The following CFAP77 variants were observed in gnomAD, a reference collection of about 807,000 sequenced individuals.
CFAP77 encodes the protein cilia and flagella associated protein 77, also known as cilia- and flagella-associated protein 77.
In CFAP77, 25 loss-of-function variants were observed where a neutral mutation model predicts 31.1. The observed-to-expected ratio is 0.80, with a 90% confidence interval of 0.59 to 1.12. The LOEUF (loss-of-function observed/expected upper bound fraction) is 1.12. CFAP77 is among the 50% of genes most tolerant of loss of function. The pLI is 0.00. For missense variants in CFAP77, 377 were observed against 397.3 expected (o/e 0.95, Z 0.44); for synonymous variants, 151 against 159.9 (o/e 0.94, Z 0.42).
Position 132,572,582 on chromosome 9 carries a change from C to T in CFAP77, c.*72C>T, listed in dbSNP as rs1165198083. On this transcript the variant is annotated 3_prime_UTR_variant, in exon 6 of 6. Transcript: ENST00000393216. ...TTCCCAGAAGGACTCCCTATCTTGC[C>T]CCAACCCTGACATTCCCCCATTTTT... is the stretch of plus-strand genomic sequence containing the variant. The T allele has an allele frequency of 2.7e-6, 4 of 1,465,374 alleles. No homozygotes were observed. In the African/African-American group the frequency reaches 4.2e-5, roughly 15 times the overall value. The allele number at this position is 1,465,374 out of a possible 1,614,324, so 90.8% of individuals were successfully genotyped here. A position where few individuals can be genotyped will look rare whatever the true frequency, so the allele number is the denominator to read the frequency against.
At chr9:132,487,493 C>T (rs977156479) in intron 1 of CFAP77, among the ~76,000 whole-genome samples, 6 of 151,992 alleles carry the variant, frequency 3.9e-5, no homozygotes, top group African/African-American at 1.2e-4. Flanking sequence ...AGTAAAACCT[C>T]AATATCGAAA....
At chr9:132,422,715 G>A (rs1007145160) in intron 1 of CFAP77, among the ~76,000 whole-genome samples, 2 of 152,124 alleles carry the variant, frequency 1.3e-5, no homozygotes, top group African/African-American at 4.8e-5. Context: ...GTCAAAGCAG[G>A]GGGAATACAC....
chr9:132,531,163 G>T (rs899396398), intron 3 of CFAP77, among the ~76,000 whole-genome samples: 38 of 152,072 alleles, frequency 2.5e-4, no homozygotes, highest in African/African-American at 8.7e-4. Context: ...CTAAAATTCT[G>T]CCTAGCCTTT....
intron 1 of CFAP77, among the ~76,000 whole-genome samples, chr9:132,411,086 T>C (rs981617497): frequency 1.3e-5 from 2 of 152,268 alleles, no homozygotes; most frequent in Non-Finnish European, 1.5e-5. Flanking sequence ...TCACTTTCCC[T>C]TCCATTACAC....
At chr9:132,500,058 G>A (rs750798942) in intron 3 of CFAP77, among the ~76,000 whole-genome samples, 3 of 151,944 alleles carry the variant, frequency 2.0e-5, no homozygotes, top group South Asian at 2.1e-4. Flanking sequence ...GGGCTGAGGC[G>A]GGAGGATTGC....
rs918499849 is a variant in CFAP77 at position 132,512,526 on chromosome 9, T to A, written c.524+12926T>A. On this transcript the variant is annotated intron_variant, in intron 3 of 5. Coordinates refer to ENST00000393216, the MANE Select transcript of CFAP77 (RefSeq NM_001282957.2). ...GTCAGAGTGTCCTGCATTTTAGGTG[T>A]CGTTGGGTTTTGAGAAAACAATCTT... 1.4e-4 allele frequency among the ~76,000 whole-genome samples: 22 copies of A among 152,298 alleles called. No individual in the cohort carries two copies. The East Asian group carries it at 4.1e-3, about 28-fold the overall frequency.
intron 1 of CFAP77, among the ~76,000 whole-genome samples, chr9:132,417,891 C>CCT (rs10643717): frequency 0.98 from 148,508 of 152,300 alleles, 72,528 homozygotes; most frequent in East Asian, 1. Flanking sequence ...CATTTTCCCC[C>CCT]TTCTGCTCTC....
chr9:132,572,242 TCACA>T, intron 5 of CFAP77, 142 bp from the exon 6 acceptor site: 1 of 1,038,036 alleles, frequency 9.6e-7, no homozygotes, highest in Non-Finnish European at 1.4e-6. Flanking sequence ...ACCAGGAGGC[TCACA>T]GCACTTGCTG....
At position 132,474,900 on chromosome 9, in the gene CFAP77, C is replaced by T. The variant is rs111965948; in HGVS notation, c.196-23795C>T. 2.5e-3 allele frequency among the ~76,000 whole-genome samples: 385 copies of T among 152,206 alleles called. 1 individual carries two copies. Among genetic ancestry groups the T allele is most frequent in the Non-Finnish European group, 4.0e-3 (275 of 68,026 alleles). ...CCTTGTAAAAGGATTGCATTGAAGG[C>T]GTGTTTTAAGCTGCATTTTAATAAG... On this transcript the variant is annotated intron_variant, in intron 1 of 5. Coordinates refer to ENST00000393216, the MANE Select transcript of CFAP77 (RefSeq NM_001282957.2).
intron 3 of CFAP77, among the ~76,000 whole-genome samples, chr9:132,503,657 T>C (rs901915198): frequency 1.3e-5 from 2 of 152,156 alleles, no homozygotes; most frequent in African/African-American, 4.8e-5. Context: ...AGGATTACTA[T>C]CCAACTGAGG....
chr9:132,509,167 G>A (rs537707652), intron 3 of CFAP77, among the ~76,000 whole-genome samples: 1 of 152,330 alleles, frequency 6.6e-6, no homozygotes, highest in South Asian at 2.1e-4. Flanking sequence ...TGCAGCAGAC[G>A]CCCGTCACCT....
chr9:132,545,646 CAG>C lies in CFAP77; in HGVS notation c.732+2602_732+2603del, dbSNP rs1564247934. Among the ~76,000 whole-genome samples, 1 of 152,228 alleles carries C rather than the reference CAG, an allele frequency of 6.6e-6. No homozygotes were observed. Among genetic ancestry groups the C allele is most frequent in the Non-Finnish European group, 1.5e-5 (1 of 68,042 alleles). On this transcript the variant is annotated intron_variant, in intron 5 of 5. Transcript: ENST00000393216. This position sits in a 1 kb window ranked among gnomAD's most constrained non-coding sequence, Gnocchi z 4.6. Reference sequence around the variant, plus strand: ...AACCCAGCAGAGACCCTTAGACACACAGAGTGCTGCCGTTATGGGTGTCACAC... The same window carrying C: ...AACCCAGCAGAGACCCTTAGACACACAGTGCTGCCGTTATGGGTGTCACAC...
At position 132,565,523 on chromosome 9, in the gene CFAP77, C is replaced by T. The variant is rs191944815; in HGVS notation, c.733-6865C>T. ...GCAGACACCTGTAATCCCAGCTACT[C>T]GGGAGGCTGAGGAAGGAGGATCGCT... On this transcript the variant is annotated intron_variant, in intron 5 of 5. Coordinates refer to ENST00000393216, the MANE Select transcript of CFAP77 (RefSeq NM_001282957.2). This position sits in a 1 kb window ranked among gnomAD's most constrained non-coding sequence, Gnocchi z 4.1. Among the ~76,000 whole-genome samples the T allele has an allele frequency of 2.6e-5, 4 of 151,940 alleles. No homozygotes were observed. The highest frequency in any genetic ancestry group is 7.2e-5 in the African/African-American group (3 of 41,448).
intron 1 of CFAP77, among the ~76,000 whole-genome samples, chr9:132,461,818 C>T (rs1162206985): frequency 2.0e-5 from 3 of 152,214 alleles, no homozygotes; most frequent in Non-Finnish European, 4.4e-5. Flanking sequence ...CTTTGTTGTG[C>T]CACTTCATCC....
Position 132,498,433 on chromosome 9 carries a change from G to T in CFAP77, c.196-262G>T, listed in dbSNP as rs895673240. 1.3e-5 allele frequency among the ~76,000 whole-genome samples: 2 copies of T among 152,078 alleles called. No individual in the cohort carries two copies. Among genetic ancestry groups the T allele is most frequent in the African/African-American group, 4.8e-5 (2 of 41,420 alleles). On this transcript the variant is annotated intron_variant, in intron 1 of 5. Coordinates refer to ENST00000393216, the MANE Select transcript of CFAP77 (RefSeq NM_001282957.2). This position sits in a 1 kb window ranked among gnomAD's most constrained non-coding sequence, Gnocchi z 4.2. The stretch of plus-strand genomic sequence containing the variant: ...TGCTCCCCACTCCAACAATACACAT[G>T]TACCGAGAGGCCCCCCGTCTCTGAT...
chr9:132,563,753 A>G (rs1424277315), intron 5 of CFAP77, among the ~76,000 whole-genome samples: 1 of 152,198 alleles, frequency 6.6e-6, no homozygotes, highest in Non-Finnish European at 1.5e-5. Flanking sequence ...AGTGCATGGA[A>G]GTTCCCGTTT....
At chr9:132,467,165 G>A (rs1469127216) in intron 1 of CFAP77, among the ~76,000 whole-genome samples, 3 of 152,166 alleles carry the variant, frequency 2.0e-5, no homozygotes, top group African/African-American at 4.8e-5. Flanking sequence ...GCAACAGAGT[G>A]AGACTCCATC....
chr9:132,496,243 C>G lies in CFAP77; in HGVS notation c.196-2452C>G, dbSNP rs532307922. 6.6e-5 allele frequency among the ~76,000 whole-genome samples: 10 copies of G among 152,266 alleles called. No individual in the cohort carries two copies. The East Asian group carries it at 1.9e-3, about 29-fold the overall frequency. ...TAAAAAATAAAGATTAGATCCCTTT[C>G]CTTGTGGGGCACACAGGCTCATGAG... On this transcript the variant is annotated intron_variant, in intron 1 of 5. Transcript: ENST00000393216.
At chr9:132,541,365 G>A (rs1384744398) in intron 4 of CFAP77, among the ~76,000 whole-genome samples, 2 of 152,190 alleles carry the variant, frequency 1.3e-5, no homozygotes, top group African/African-American at 2.4e-5. Flanking sequence ...CTCTAATTCC[G>A]AAGCCTGGCT....
Sources: gnomAD v4.1 joint callset for allele counts (sites outside exome capture counted in the v4.1 genomes callset) on GRCh38, gnomAD v4.1.1 for gene constraint, Gnocchi (gnomAD v3.1) non-coding constraint, MANE v1.5 for transcripts, NCBI Gene and HGNC (gene_info 2026-07-23, HGNC 2026-07-21) for gene names.